The following APBB2 variants were observed in gnomAD, a reference collection of about 807,000 sequenced individuals.
APBB2 encodes the protein Fe65-like 1.
In APBB2, 38 loss-of-function variants were observed where a neutral mutation model predicts 82.5. That is an observed-to-expected ratio of 0.46 (90% CI 0.36 to 0.60). The LOEUF (loss-of-function observed/expected upper bound fraction) is 0.60, where lower values mean the gene tolerates loss of function less well. APBB2 is among the 20% of genes least tolerant of loss of function. The pLI is 0.00. For missense variants in APBB2, 772 were observed against 972.3 expected, an observed-to-expected ratio of 0.79 and a Z score of 2.74; for synonymous variants, 341 against 368.2, an observed-to-expected ratio of 0.93 and a Z score of 0.85.
chr4:40,964,964 TA>T (rs1441430562), intron 6 of APBB2, among the ~76,000 whole-genome samples: 1 of 151,794 alleles, frequency 6.6e-6, no homozygotes, highest in Non-Finnish European at 1.5e-5. Context: ...ACTAAAAATA[TA>T]AAAAATTAGC....
At chr4:40,934,806 C>T (rs1302856599) in intron 8 of APBB2, 107 bp from the exon 9 acceptor site, 5 of 841,502 alleles carry the variant, frequency 5.9e-6, no homozygotes, top group East Asian at 2.6e-5. Flanking sequence ...AGAGAGTGTA[C>T]GTGAGCTTAG....
chr4:41,030,902 G>C (rs531504727), intron 5 of APBB2, among the ~76,000 whole-genome samples: 1 of 152,068 alleles, frequency 6.6e-6, no homozygotes, highest in Non-Finnish European at 1.5e-5. Flanking sequence ...GGGCCAATAG[G>C]AGTTTCAGAG....
chr4:41,044,261 G>C (rs1722569974), intron 4 of APBB2, among the ~76,000 whole-genome samples: 1 of 151,890 alleles, frequency 6.6e-6, no homozygotes, highest in Non-Finnish European at 1.5e-5. Context: ...TGATGAAATG[G>C]TGCTCCATTA....
chr4:40,927,883 ACT>A (rs1273180812), intron 10 of APBB2, among the ~76,000 whole-genome samples: 2 of 152,200 alleles, frequency 1.3e-5, no homozygotes, highest in Non-Finnish European at 2.9e-5. Flanking sequence ...ACAGAAAAGA[ACT>A]CTGACAAAAC....
In APBB2 at chr4:40,982,297, GGAAGGAAGGAAAGAAAGAAA is replaced by G. The variant is rs1180533738; in HGVS notation, c.835+31266_835+31285del. On this transcript the variant is annotated intron_variant, in intron 6 of 17. Transcript: ENST00000508593. ...AAGAAAGAAAGAAGGAAGGAAGGAA[GGAAGGAAGGAAAGAAAGAAA>G]GAAAGAAAAGAAAGAAGGAAGGAAG... Among the ~76,000 whole-genome samples, 4 of 21,716 alleles carry G rather than the reference GGAAGGAAGGAAAGAAAGAAA, an allele frequency of 1.8e-4. 1 individual carries two copies. The East Asian group carries it at 2.6e-3, about 14-fold the overall frequency. 14.2% of individuals were successfully genotyped at this position (21,716 alleles called of 152,430 possible).
chr4:41,183,269 T>C (rs886789707), intron 1 of APBB2, among the ~76,000 whole-genome samples: 1 of 152,184 alleles, frequency 6.6e-6, no homozygotes, highest in Non-Finnish European at 1.5e-5. Context: ...CCTCCTTTCA[T>C]TCTATTCTCC....
intron 3 of APBB2, among the ~76,000 whole-genome samples, chr4:41,086,708 C>T (rs1339704706): frequency 6.6e-6 from 1 of 152,140 alleles, no homozygotes; most frequent in Non-Finnish European, 1.5e-5. Flanking sequence ...CAGCTAATAG[C>T]ATACTCAATG....
rs554115929 is a variant in APBB2, at chr4:41,181,743, C to T, written c.-417+32662G>A. The stretch of plus-strand genomic sequence containing the variant: ...AGTGGATCACCTGAGGTCAGGAGTT[C>T]GAGACCAGCCTGACCAACATGGAGC... On this transcript the variant is annotated intron_variant, in intron 1 of 17. Coordinates refer to ENST00000508593, the MANE Select transcript of APBB2 (RefSeq NM_004307.2). Among the ~76,000 whole-genome samples, 170 of 151,950 alleles carry T rather than the reference C, an allele frequency of 1.1e-3. 1 individual carries two copies. The highest frequency in any genetic ancestry group is 3.7e-3 in the African/African-American group (153 of 41,446).
At chr4:41,104,353 G>C (rs998700365) in intron 2 of APBB2, among the ~76,000 whole-genome samples, 7 of 152,188 alleles carry the variant, frequency 4.6e-5, no homozygotes, top group Non-Finnish European at 1.0e-4. Context: ...ATCACATTAA[G>C]AACTGAAGGC....
chr4:40,869,121 C>T (rs369065543), intron 12 of APBB2, among the ~76,000 whole-genome samples: 58 of 152,170 alleles, frequency 3.8e-4, no homozygotes, highest in African/African-American at 1.1e-3. Context: ...CTCCACCTCC[C>T]GGGTTCAAGT....
intron 1 of APBB2, among the ~76,000 whole-genome samples, chr4:41,179,671 C>A (rs1053784864): frequency 2.6e-5 from 4 of 152,122 alleles, no homozygotes; most frequent in African/African-American, 9.7e-5. Context: ...AATGCTGGTA[C>A]AAGAAATGTA....
rs80107889 is a variant in APBB2, at chr4:41,034,005, C to G, written c.-50-701G>C. 4.8e-3 allele frequency among the ~76,000 whole-genome samples: 734 copies of G among 152,268 alleles called. 4 individuals are homozygous for G. Among genetic ancestry groups the G allele is most frequent in the Admixed American group, 8.2e-3 (126 of 15,294 alleles). On this transcript the variant is annotated intron_variant, in intron 4 of 17. Coordinates refer to ENST00000508593, the MANE Select transcript of APBB2 (RefSeq NM_004307.2). The stretch of plus-strand genomic sequence containing the variant: ...GCCAGATAATACCACAATCTAAGGA[C>G]AGGACACTGGAAACAGGAAGTTTCA...
intron 4 of APBB2, among the ~76,000 whole-genome samples, chr4:41,058,557 C>T (rs944908185): frequency 3.3e-5 from 5 of 152,142 alleles, no homozygotes; most frequent in African/African-American, 1.2e-4. Context: ...ATCTAACTGA[C>T]GGACTCTGAG....
intron 3 of APBB2, among the ~76,000 whole-genome samples, chr4:41,067,852 G>A (rs1732482445): frequency 6.6e-6 from 1 of 152,204 alleles, no homozygotes; most frequent in African/African-American, 2.4e-5. Context: ...AAGTGGAAGA[G>A]CCCAGGAAAG....
At chr4:40,956,484 G>A (rs1253193715) in intron 6 of APBB2, among the ~76,000 whole-genome samples, 1 of 152,106 alleles carries the variant, frequency 6.6e-6, no homozygotes, top group South Asian at 2.1e-4. Flanking sequence ...GAGTTTCAAG[G>A]CCCTTATACT....
intron 5 of APBB2, among the ~76,000 whole-genome samples, chr4:41,020,430 A>C (rs995511863): frequency 6.6e-6 from 1 of 152,210 alleles, no homozygotes; most frequent in African/African-American, 2.4e-5. Flanking sequence ...ACTCCTGTAG[A>C]AGCAGTTAGG....
rs773644990 is a variant in APBB2, at chr4:40,815,103, T to C, written c.*989A>G. ...CCTCTAGCACATGGACTAGCAAAAA[T>C]CACACGGTGGTAGAAATCTAAAATA... On this transcript the variant is annotated 3_prime_UTR_variant, in exon 18 of 18. Transcript: ENST00000508593. 5.2e-5 allele frequency: 8 copies of C among 152,528 alleles called. No homozygotes were observed. Among genetic ancestry groups the C allele is most frequent in the Non-Finnish European group, 1.2e-4 (8 of 68,026 alleles). 9.4% of individuals were successfully genotyped at this position (152,528 alleles called of 1,614,324 possible). A position where few individuals can be genotyped will look rare whatever the true frequency, so the allele number is the denominator to read the frequency against.
At chr4:41,001,395 C>G (rs6817091) in intron 6 of APBB2, among the ~76,000 whole-genome samples, 5,103 of 152,224 alleles carry the variant, frequency 0.034, 148 homozygotes, top group African/African-American at 0.083. Context: ...CTCCAACAAG[C>G]CATTTATAGG....
At chr4:41,133,982 CT>C (rs943960664) in intron 2 of APBB2, among the ~76,000 whole-genome samples, 1 of 150,986 alleles carries the variant, frequency 6.6e-6, no homozygotes, top group African/African-American at 2.4e-5. Context: ...TTCCTTTTTT[CT>C]TTTTTTTTAG....
Sources: allele counts gnomAD v4.1 joint callset (sites outside exome capture counted in the v4.1 genomes callset), GRCh38; gene constraint gnomAD v4.1.1; transcripts MANE v1.5; gene names NCBI Gene and HGNC (gene_info 2026-07-23, HGNC 2026-07-21).